The following TAGLN3 variants were observed in gnomAD, a reference collection of about 807,000 sequenced individuals.
The protein encoded by TAGLN3 is transgelin-3.
In TAGLN3, 12 loss-of-function variants were observed where a neutral mutation model predicts 25.4. That is an observed-to-expected ratio of 0.47 (90% CI 0.30 to 0.77). TAGLN3 has a LOEUF of 0.77. Among genes scored for constraint, TAGLN3 ranks in the 30% least tolerant of loss-of-function variants. The pLI is 0.06. For synonymous variants in TAGLN3, 96 were observed against 94.8 expected (o/e 1.01, Z -0.08); for missense variants, 218 against 255.8 (o/e 0.85, Z 1.01).
chr3:111,999,466 A>C lies in TAGLN3; in HGVS notation c.44A>C (p.Gln15Pro), dbSNP rs1236961398. ...AGCTATGGCTTAAGCCGAGAGGTGCAGGAGAAGATCGAGCAGAAGTATGAT... is the reference window on the plus strand; with the variant it reads ...AGCTATGGCTTAAGCCGAGAGGTGCCGGAGAAGATCGAGCAGAAGTATGAT... ...GPSYGLSREV[Q>P]EKIEQKYDAD... The change falls in exon 2 of 5, where the codon CAG (glutamine) becomes CCG (proline). Residue 15 changes from glutamine to proline, a missense_variant. Physicochemically the swap from Gln to Pro is moderately conservative, Grantham distance 76 (BLOSUM62 -1). Transcript: ENST00000478951. The C allele has an allele frequency of 3.1e-6, 5 of 1,614,104 alleles. No individual in the cohort carries two copies. The African/African-American group carries it at 5.3e-5, about 17-fold the overall frequency.
At chr3:112,004,573 T>C (rs1395814716) in intron 3 of TAGLN3, among the ~76,000 whole-genome samples, 1 of 152,184 alleles carries the variant, frequency 6.6e-6, no homozygotes, top group African/African-American at 2.4e-5. Context: ...ATCAATTAAC[T>C]TCTCTAAGCC....
At chr3:112,003,797 G>A (rs2072888148) in intron 3 of TAGLN3, among the ~76,000 whole-genome samples, 1 of 152,082 alleles carries the variant, frequency 6.6e-6, no homozygotes, top group South Asian at 2.1e-4. Context: ...CCTACTCAGT[G>A]TCTTCTCCCA....
chr3:112,003,928 T>C (rs2072889609), intron 3 of TAGLN3, among the ~76,000 whole-genome samples: 2 of 152,138 alleles, frequency 1.3e-5, no homozygotes, highest in African/African-American at 4.8e-5. Flanking sequence ...CTTCAATCAC[T>C]TCTATAGGCT....
rs754085225 is a variant in TAGLN3, at chr3:112,000,927, G to A, written c.336G>A (p.Gln112=). Residue 112 remains glutamine (Q), a synonymous_variant, in exon 3 of 5, where the codon CAG becomes CAA. Transcript: ENST00000478951. ...GTGTCAGAACCACCGACATCTTTCA[G>A]ACGGTGGATCTATGGGAAGGTAAAC... ...TYGVRTTDIF[Q]TVDLWEGKDM... The A allele has an allele frequency of 6.2e-7, 1 of 1,614,076 alleles. No homozygotes were observed. The highest frequency in any genetic ancestry group is 8.5e-7 in the Non-Finnish European group (1 of 1,180,018).
rs201657854 is a variant in TAGLN3, at chr3:112,013,392, C to A, written c.459-18C>A. The A allele has an allele frequency of 3.1e-6, 5 of 1,605,008 alleles. No homozygotes were observed. In the African/African-American group the frequency reaches 5.4e-5, roughly 17 times the overall value. The stretch of plus-strand genomic sequence containing the variant: ...AACTGTCATAATGACATTATTCCCT[C>A]TCACTTTCCTTGTCCAGGAAAGCCC... On this transcript the variant is annotated intron_variant, in intron 4 of 4. Transcript: ENST00000478951.
chr3:112,002,562 G>A (rs935863180), intron 3 of TAGLN3, among the ~76,000 whole-genome samples: 8 of 152,104 alleles, frequency 5.3e-5, no homozygotes, highest in Non-Finnish European at 1.0e-4. Flanking sequence ...GGGGGAGGAG[G>A]TGAGGAGGAG....
At chr3:112,007,189 C>T (rs1191697236) in intron 3 of TAGLN3, among the ~76,000 whole-genome samples, 1 of 152,138 alleles carries the variant, frequency 6.6e-6, no homozygotes, top group African/African-American at 2.4e-5. Flanking sequence ...CACAGCCTTC[C>T]CCATTATCAA....
rs562286359 is a variant in TAGLN3, at chr3:112,012,491, AT to A, written c.458+635del. 2.8e-3 allele frequency among the ~76,000 whole-genome samples: 420 copies of A among 150,728 alleles called. 1 individual carries two copies. The highest frequency in any genetic ancestry group is 5.0e-3 in the Non-Finnish European group (339 of 67,614). On this transcript the variant is annotated intron_variant, in intron 4 of 4. Transcript: ENST00000478951. Reference sequence around the variant, plus strand: ...CAGTAAAGGGTCTTTTTTTAAAATGATTTTTTTTTCAGGGGGTAGGGTAGGC... The same window carrying A: ...CAGTAAAGGGTCTTTTTTTAAAATGATTTTTTTTCAGGGGGTAGGGTAGGC...
In TAGLN3 at chr3:111,999,430, A is replaced by T; in HGVS notation, c.8A>T (p.Asn3Ile). 1 of 1,614,048 alleles carries T rather than the reference A, an allele frequency of 6.2e-7. No homozygotes were observed. The highest frequency in any genetic ancestry group is 1.7e-5 in the Admixed American group (1 of 60,028). Residue 3 changes from asparagine (N) to isoleucine (I), a missense_variant, in exon 2 of 5, where the codon AAC (asparagine) becomes ATC (isoleucine). Transcript: ENST00000478951. MA[N>I]RGPSYGLSRE... The stretch of plus-strand genomic sequence containing the variant: ...CTTCTCTTCTTTCCAGAGATGGCTA[A>T]CAGGGGCCCGAGCTATGGCTTAAGC...
At chr3:112,012,490 G>C (rs2072989901) in intron 4 of TAGLN3, among the ~76,000 whole-genome samples, 1 of 151,784 alleles carries the variant, frequency 6.6e-6, no homozygotes, top group African/African-American at 2.4e-5. Flanking sequence ...TTTTTAAAAT[G>C]ATTTTTTTTT....
chr3:112,012,683 G>A (rs9813993), intron 4 of TAGLN3, among the ~76,000 whole-genome samples: 68,109 of 151,834 alleles, frequency 0.45, 17,457 homozygotes, highest in Middle Eastern at 0.63. Flanking sequence ...CTTCTGAGAG[G>A]TTGGCCATTT....
intron 3 of TAGLN3, among the ~76,000 whole-genome samples, chr3:112,005,980 T>TTTTTTTTTATTTTTAGTA (rs2072912983): frequency 6.6e-6 from 1 of 151,330 alleles, no homozygotes; most frequent in African/African-American, 2.4e-5. Flanking sequence ...AGGATGGTCT[T>TTTTTTTTTATTTTTAGTA]GATCTCCTGA....
chr3:112,013,302 C>A, intron 4 of TAGLN3, 108 bp from the exon 5 acceptor site: 1 of 1,403,578 alleles, frequency 7.1e-7, no homozygotes, highest in East Asian at 2.5e-5. Context: ...AGGGTAGGAC[C>A]TGCTGATCTA....
At chr3:112,009,493 C>A (rs963702943) in intron 3 of TAGLN3, among the ~76,000 whole-genome samples, 2 of 152,192 alleles carry the variant, frequency 1.3e-5, no homozygotes, top group Non-Finnish European at 2.9e-5. Flanking sequence ...GAGGAATGTG[C>A]TCCTCATCCA....
intron 3 of TAGLN3, among the ~76,000 whole-genome samples, chr3:112,008,341 G>A (rs1255731883): frequency 6.6e-6 from 1 of 151,948 alleles, no homozygotes; most frequent in Non-Finnish European, 1.5e-5. Context: ...TAGAGACAGG[G>A]GTTCCCTCTG....
chr3:112,000,893 A>G lies in TAGLN3; in HGVS notation c.302A>G (p.Glu101Gly). ...EQISQFLKAA[E>G]TYGVRTTDIF... is the part of the protein sequence containing the mutation. ...ATCTCCCAGTTCCTAAAAGCTGCGG[A>G]GACCTATGGTGTCAGAACCACCGAC... The change falls in exon 3 of 5, where the codon GAG becomes GGG. Residue 101 changes from glutamate (E) to glycine (G), a missense_variant. By Grantham distance (98) the Glu-to-Gly change is moderately conservative. Transcript: ENST00000478951. The G allele has an allele frequency of 6.2e-7, 1 of 1,614,160 alleles. No homozygotes were observed. The highest frequency in any genetic ancestry group is 8.5e-7 in the Non-Finnish European group (1 of 1,180,022).
chr3:112,005,706 T>TTTTTTTTTTTTTG (rs2072909754), intron 3 of TAGLN3, among the ~76,000 whole-genome samples: 1 of 146,978 alleles, frequency 6.8e-6, no homozygotes, highest in African/African-American at 2.5e-5. Flanking sequence ...TTTTTTCTTT[T>TTTTTTTTTTTTTG]TTTTTTTTTT....
intron 4 of TAGLN3, among the ~76,000 whole-genome samples, chr3:112,012,655 GA>G (rs2072991778): frequency 6.6e-6 from 1 of 151,622 alleles, no homozygotes. Flanking sequence ...TCATTTTAAA[GA>G]ACACTCGCCC....
intron 3 of TAGLN3, among the ~76,000 whole-genome samples, chr3:112,006,490 G>A (rs927443357): frequency 7.2e-5 from 11 of 152,240 alleles, no homozygotes; most frequent in Admixed American, 6.5e-5. Context: ...TATTATTCAG[G>A]GAAATAAGAC....
Sources: gnomAD v4.1 joint callset for allele counts (sites outside exome capture counted in the v4.1 genomes callset) on GRCh38, gnomAD v4.1.1 for gene constraint, MANE v1.5 for transcripts, NCBI Gene and HGNC (gene_info 2026-07-23, HGNC 2026-07-21) for gene names.